Variants in COL3A1 observed in about 807,000 individuals in gnomAD.
COL3A1 encodes the protein collagen type III alpha 1 chain, also known as collagen alpha-1(III) chain.
Under a neutral mutation model 200.9 loss-of-function variants are expected in COL3A1, and 46 were observed. The observed-to-expected ratio is 0.23, with a 90% CI of 0.18 to 0.29. COL3A1 has a LOEUF of 0.29. COL3A1 is among the 10% of genes least tolerant of loss of function. COL3A1 has a pLI of 1.00. For synonymous variants in COL3A1, 650 were observed against 628.0 expected (o/e 1.03, Z -0.52); for missense variants, 1,367 against 1,917.6 (o/e 0.71, Z 5.36).
intron 44 of COL3A1, among the ~76,000 whole-genome samples, 193 bp from the exon 45 acceptor site, chr2:189,007,307 G>A (rs570913587): frequency 1.3e-5 from 2 of 151,352 alleles, no homozygotes; most frequent in South Asian, 4.2e-4. Context: ...AGTTGTTAGG[G>A]ATCCATGCAA....
chr2:188,999,634 A>G, intron 31 of COL3A1, 57 bp downstream of exon 31: 1 of 1,564,924 alleles, frequency 6.4e-7, no homozygotes, highest in Non-Finnish European at 8.8e-7. Flanking sequence ...GGTTTTAAAA[A>G]AAGCAACACT....
At position 188,989,379 on chromosome 2, in the gene COL3A1, T is replaced by C; in HGVS notation, c.637-17T>C. 1 of 1,571,538 alleles carries C rather than the reference T, an allele frequency of 6.4e-7. No homozygotes were observed. Among genetic ancestry groups the C allele is most frequent in the South Asian group, 1.1e-5 (1 of 87,036 alleles). On this transcript the variant is annotated splice_polypyrimidine_tract_variant and intron_variant, in intron 7 of 50. Coordinates refer to ENST00000304636, the MANE Select transcript of COL3A1 (RefSeq NM_000090.4). ...AAAATTTACAAATCTATTCATTTTT[T>C]ATTTCCTTATTTTCAGGGCCCTCCA...
chr2:188,983,250 G>T (rs1687991975), intron 1 of COL3A1, among the ~76,000 whole-genome samples: 1 of 151,838 alleles, frequency 6.6e-6, no homozygotes, highest in Non-Finnish European at 1.5e-5. Flanking sequence ...ATTAAAAAAT[G>T]AAGCTTTCCT....
In COL3A1 at chr2:189,009,334, T is replaced by C. The variant is rs918124421; in HGVS notation, c.3823+113T>C. On this transcript the variant is annotated intron_variant, in intron 48 of 50. Transcript: ENST00000304636. ...TCAATGGAAAGCTGAAATAGTACTT[T>C]AAGAAAGTTAACTGAATTGAAACTG... 7 of 1,290,506 alleles carry C rather than the reference T, an allele frequency of 5.4e-6. No homozygotes were observed. The Admixed American group carries it at 8.0e-5, about 15-fold the overall frequency. 79.9% of individuals were successfully genotyped at this position (1,290,506 alleles called of 1,614,324 possible).
intron 41 of COL3A1, 96 bp from the exon 42 acceptor site, chr2:189,006,110 C>A (rs1322280714): frequency 2.3e-6 from 3 of 1,303,890 alleles, no homozygotes; most frequent in Non-Finnish European, 3.3e-6. Context: ...AATTTTAACC[C>A]CCTTGAGAAT....
chr2:188,994,853 TAAAAG>T lies in COL3A1; in HGVS notation c.1455+28_1455+32del, dbSNP rs747309483. ...AAGGGTACGTTTTCCATGGGGCATC[TAAAAG>T]AAAAGCAGCATCACTGTCATCTAAA... On this transcript the variant is annotated intron_variant, in intron 20 of 50. Coordinates refer to ENST00000304636, the MANE Select transcript of COL3A1 (RefSeq NM_000090.4). This position sits in a 1 kb window ranked among gnomAD's most constrained non-coding sequence, Gnocchi z 4.5. The T allele has an allele frequency of 8.7e-6, 14 of 1,610,910 alleles. No individual in the cohort carries two copies. In the Admixed American group the frequency reaches 2.0e-4, roughly 23 times the overall value.
At chr2:188,996,292 A>T in intron 23 of COL3A1, 106 bp from the exon 24 acceptor site, 1 of 739,096 alleles carries the variant, frequency 1.4e-6, no homozygotes, top group Non-Finnish European at 2.1e-6. Flanking sequence ...ATGTATATGT[A>T]TATCTATATA....
intron 34 of COL3A1, 33 bp downstream of exon 34, chr2:189,001,622 T>A (rs775768813): frequency 2.6e-5 from 42 of 1,612,598 alleles, no homozygotes; most frequent in Non-Finnish European, 3.1e-5. Flanking sequence ...ACATACTTTT[T>A]AACCCCATAC....
intron 1 of COL3A1, among the ~76,000 whole-genome samples, chr2:188,982,183 A>C (rs968276747): frequency 6.6e-6 from 1 of 151,696 alleles, no homozygotes; most frequent in Non-Finnish European, 1.5e-5. Context: ...TTGCACTAAA[A>C]TAATCTTTAT....
chr2:188,987,364 AAACC>A (rs1056955039), intron 5 of COL3A1, among the ~76,000 whole-genome samples: 1 of 152,026 alleles, frequency 6.6e-6, no homozygotes, highest in African/African-American at 2.4e-5. Context: ...CTAAAAAAAA[AAACC>A]AAAGTCAACA....
At position 189,007,889 on chromosome 2, in the gene COL3A1, C is replaced by G. The variant is rs745834351; in HGVS notation, c.3368C>G (p.Pro1123Arg). 1 of 1,614,042 alleles carries G rather than the reference C, an allele frequency of 6.2e-7. No homozygotes were observed. Among genetic ancestry groups the G allele is most frequent in the Non-Finnish European group, 8.5e-7 (1 of 1,180,020 alleles). Residue 1123 changes from proline (P) to arginine (R), a missense_variant, in exon 46 of 51, where the codon CCT (proline) becomes CGT (arginine). Pro to Arg is a moderately radical substitution (Grantham distance 103). Transcript: ENST00000304636. ...GNPGAPGSPG[P>R]AGQQGAIGSP... ...GTACACTTCCTTTCTTTCCAGGGCC[C>G]TGCTGGTCAGCAGGGTGCAATCGGC...
In COL3A1 at chr2:189,010,816, G is replaced by A. The variant is rs779670456; in HGVS notation, c.4180G>A (p.Gly1394Arg). ...GNVKKALKLM[G>R]SNEGEFKAEG... is the part of the protein sequence containing the mutation. ...TGTAAAGAAGGCCCTGAAGCTGATG[G>A]GGTCAAATGAAGGTGAATTCAAGGC... Residue 1394 changes from glycine to arginine, a missense_variant, in exon 50 of 51, where the codon GGG becomes AGG. By Grantham distance (125) the Gly-to-Arg change is moderately radical. Coordinates refer to ENST00000304636, the MANE Select transcript of COL3A1 (RefSeq NM_000090.4). 6.2e-7 allele frequency: 1 copy of A among 1,614,108 alleles called. No individual in the cohort carries two copies. The highest frequency in any genetic ancestry group is 1.1e-5 in the South Asian group (1 of 91,072).
At position 189,009,124 on chromosome 2, in the gene COL3A1, T is replaced by C. The variant is rs778329148; in HGVS notation, c.3726T>C (p.Asn1242=). 2 of 1,614,220 alleles carry C rather than the reference T, an allele frequency of 1.2e-6. No individual in the cohort carries two copies. The highest frequency in any genetic ancestry group is 1.7e-6 in the Non-Finnish European group (2 of 1,180,036). Residue 1242 remains asparagine, a synonymous_variant, in exon 48 of 51, where the codon AAT becomes AAC. Coordinates refer to ENST00000304636, the MANE Select transcript of COL3A1 (RefSeq NM_000090.4). ...DEIMTSLKSV[N]GQIESLISPD... is the part of the protein sequence containing the mutation. ...TTATGACTTCACTCAAGTCTGTTAA[T>C]GGACAAATAGAAAGCCTCATTAGTC...
rs1349547451 is a variant in COL3A1 at position 188,992,867 on chromosome 2, A to C, written c.997-20A>C. On this transcript the variant is annotated intron_variant, in intron 14 of 50. Transcript: ENST00000304636. ...ATTTAGTTGAAAAAGAGCTCTTGAAATTGTATTTAATTTTTTCAGGGCCCT... is the reference window on the plus strand; with the variant it reads ...ATTTAGTTGAAAAAGAGCTCTTGAACTTGTATTTAATTTTTTCAGGGCCCT... 6.2e-7 allele frequency: 1 copy of C among 1,612,368 alleles called. No individual in the cohort carries two copies. Among genetic ancestry groups the C allele is most frequent in the African/African-American group, 1.3e-5 (1 of 75,016 alleles).
chr2:188,997,196 G>C lies in COL3A1; in HGVS notation c.1793G>C (p.Gly598Ala), dbSNP rs554332589. The C allele has an allele frequency of 6.2e-7, 1 of 1,613,946 alleles. No homozygotes were observed. The highest frequency in any genetic ancestry group is 1.3e-5 in the African/African-American group (1 of 74,956). ...CCTGGTAAGAATGGAGAACGAGGTG[G>C]CCCTGGAGGACCTGGCCCTCAGGTA... Reference protein sequence around the residue: ...GAPGKNGERGGPGGPGPQGPP... With the variant: ...GAPGKNGERGAPGGPGPQGPP... Residue 598 changes from glycine (G) to alanine (A), a missense_variant, in exon 25 of 51, where the codon GGC becomes GCC. By Grantham distance (60) the Gly-to-Ala change is moderately conservative (BLOSUM62 0). Coordinates refer to ENST00000304636, the MANE Select transcript of COL3A1 (RefSeq NM_000090.4).
chr2:188,993,493 T>C, intron 16 of COL3A1, 34 bp downstream of exon 16: 1 of 1,434,006 alleles, frequency 7.0e-7, no homozygotes, highest in Non-Finnish European at 9.5e-7. Context: ...GTAAGCATAG[T>C]TTCATGCTTA....
rs1468768980 is a variant in COL3A1 at position 189,005,443 on chromosome 2, G to C, written c.3025G>C (p.Glu1009Gln). ...TCCTGGTCTGGCTGGTACAGCTGGT[G>C]AACCTGGAAGAGATGTGAGTAGCAG... ...GLPGLAGTAGEPGRDGNPGSD... is the reference protein window; with the variant it reads ...GLPGLAGTAGQPGRDGNPGSD... The change falls in exon 41 of 51, where the codon GAA becomes CAA. Residue 1009 changes from glutamate to glutamine, a missense_variant. Physicochemically the swap from Glu to Gln is conservative, Grantham distance 29. This residue lies in a region of COL3A1 where 846 missense variants were observed against 1,147.9 expected (regional missense o/e 0.74). Transcript: ENST00000304636. The C allele has an allele frequency of 3.7e-6, 6 of 1,613,896 alleles. No individual in the cohort carries two copies. The highest frequency in any genetic ancestry group is 5.1e-6 in the Non-Finnish European group (6 of 1,179,812).
rs1363971558 is a variant in COL3A1 at position 189,003,015 on chromosome 2, G to A, written c.2506G>A (p.Gly836Arg). The change falls in exon 36 of 51, where the codon GGA becomes AGA. Residue 836 changes from glycine (G) to arginine (R), a missense_variant. Physicochemically the swap from Gly to Arg is moderately radical, Grantham distance 125. Around this residue, in one of 5 missense-constraint regions of COL3A1, gnomAD observed 846 missense variants for 1,147.9 expected, o/e 0.74. Coordinates refer to ENST00000304636, the MANE Select transcript of COL3A1 (RefSeq NM_000090.4). Reference sequence around the variant, plus strand: ...AGGGGCTCCGGGTGAGAAAGGTGAAGGAGGCCCTCCTGGAGTTGCAGGACC... The same window carrying A: ...AGGGGCTCCGGGTGAGAAAGGTGAAAGAGGCCCTCCTGGAGTTGCAGGACC... ...ERGAPGEKGE[G>R]GPPGVAGPPG... The A allele has an allele frequency of 1.3e-6, 2 of 1,551,546 alleles. No homozygotes were observed. Among genetic ancestry groups the A allele is most frequent in the Non-Finnish European group, 8.7e-7 (1 of 1,146,998 alleles).
chr2:188,988,463 CA>C, intron 6 of COL3A1, 126 bp from the exon 7 acceptor site: 2 of 713,288 alleles, frequency 2.8e-6, no homozygotes, highest in Non-Finnish European at 4.9e-6. Context: ...AATTTGGTCT[CA>C]ATATTTATAA....
Sources: gnomAD v4.1 joint callset for allele counts (sites outside exome capture counted in the v4.1 genomes callset) on GRCh38, gnomAD v4.1.1 for gene constraint, gnomAD v4.1.1 regional missense constraint, Gnocchi (gnomAD v3.1) non-coding constraint, MANE v1.5 for transcripts, NCBI Gene and HGNC (gene_info 2026-07-23, HGNC 2026-07-21) for gene names.